KIF2A: variants seen among roughly 807,000 people sequenced by gnomAD.
KIF2A encodes the protein kinesin-like protein KIF2A.
In KIF2A, 22 loss-of-function variants were observed where a neutral mutation model predicts 100.2. The observed-to-expected ratio is 0.22, with a 90% confidence interval of 0.16 to 0.31. The LOEUF is 0.31. Among genes scored for constraint, KIF2A ranks in the 10% least tolerant of loss-of-function variants. KIF2A has a pLI of 1.00. For missense variants in KIF2A, 495 were observed against 898.7 expected, an observed-to-expected ratio of 0.55 and a Z score of 5.74; for synonymous variants, 268 against 285.9, an observed-to-expected ratio of 0.94 and a Z score of 0.63.
In KIF2A at chr5:62,347,048, A is replaced by G. The variant is rs114987867; in HGVS notation, c.65-82A>G. ...TAGTGTCATTTTTTTTTTAATTTCCAAGTTATAAAATTGTATTTCACAGTG... is the reference window on the plus strand; with the variant it reads ...TAGTGTCATTTTTTTTTTAATTTCCGAGTTATAAAATTGTATTTCACAGTG... On this transcript the variant is annotated intron_variant, in intron 1 of 20. Transcript: ENST00000407818. 2.6e-4 allele frequency: 193 copies of G among 732,578 alleles called. 1 individual carries two copies. In the African/African-American group the frequency reaches 3.1e-3, roughly 12 times the overall value. The allele number at this position is 732,578 out of a possible 1,614,324, so 45.4% of individuals were successfully genotyped here.
At chr5:62,381,621 G>A (rs991262568) in intron 20 of KIF2A, among the ~76,000 whole-genome samples, 1 of 152,194 alleles carries the variant, frequency 6.6e-6, no homozygotes, top group Non-Finnish European at 1.5e-5. Context: ...CTGGAGCACA[G>A]GGGCGTGATC....
chr5:62,362,231 A>C (rs1241333563), intron 11 of KIF2A: 5 of 173,228 alleles, frequency 2.9e-5, no homozygotes, highest in African/African-American at 1.2e-4. Context: ...ATAAATATTA[A>C]TATATATAAA....
At chr5:62,379,243 A>T (rs1353756640) in intron 19 of KIF2A, among the ~76,000 whole-genome samples, 2 of 152,178 alleles carry the variant, frequency 1.3e-5, no homozygotes, top group Non-Finnish European at 2.9e-5. Flanking sequence ...AGGTGTTCTG[A>T]CTTTCAACCC....
At chr5:62,319,290 C>T (rs1397188732) in intron 1 of KIF2A, among the ~76,000 whole-genome samples, 9 of 152,176 alleles carry the variant, frequency 5.9e-5, no homozygotes, top group African/African-American at 2.2e-4. Flanking sequence ...TGAAAGTGTT[C>T]TCTACTTCTG....
chr5:62,383,265 T>G (rs1197951509), intron 20 of KIF2A, among the ~76,000 whole-genome samples: 5 of 100,510 alleles, frequency 5.0e-5, no homozygotes, highest in Non-Finnish European at 9.4e-5. Context: ...TTTTTTGAGA[T>G]GGAGTCTCAC....
At chr5:62,347,449 TTAAGTC>T (rs1162286974) in intron 2 of KIF2A, among the ~76,000 whole-genome samples, 1 of 152,206 alleles carries the variant, frequency 6.6e-6, no homozygotes, top group Non-Finnish European at 1.5e-5. Context: ...ATACTATTCT[TTAAGTC>T]TAGCTCACAC....
At chr5:62,360,155 T>C (rs560986484) in intron 9 of KIF2A, among the ~76,000 whole-genome samples, 9 of 149,036 alleles carry the variant, frequency 6.0e-5, no homozygotes, top group Non-Finnish European at 1.3e-4. Flanking sequence ...CACGTTCAGC[T>C]AATTTTGTAT....
intron 1 of KIF2A, among the ~76,000 whole-genome samples, chr5:62,314,770 T>TTTG (rs1554038406): frequency 6.8e-5 from 10 of 147,956 alleles, no homozygotes; most frequent in East Asian, 4.0e-4. Context: ...TTTTTTTTTT[T>TTTG]TTTTTTTTTT....
At chr5:62,346,695 G>A (rs537932586) in intron 1 of KIF2A, among the ~76,000 whole-genome samples, 180 of 152,284 alleles carry the variant, frequency 1.2e-3, no homozygotes, top group Non-Finnish European at 1.6e-3. Flanking sequence ...AGCCAAGATC[G>A]CATCACTGCT....
chr5:62,357,380 G>A (rs1163692880), intron 7 of KIF2A, among the ~76,000 whole-genome samples: 2 of 152,086 alleles, frequency 1.3e-5, no homozygotes, highest in Non-Finnish European at 1.5e-5. Context: ...CATCATGCCC[G>A]GCCTCCTCAC....
chr5:62,315,122 G>C (rs547624248), intron 1 of KIF2A, among the ~76,000 whole-genome samples: 2 of 151,988 alleles, frequency 1.3e-5, no homozygotes, highest in South Asian at 4.2e-4. Context: ...TTCCACTATG[G>C]TGTCATGTTG....
chr5:62,356,741 G>A (rs1465928920), intron 7 of KIF2A, among the ~76,000 whole-genome samples: 2 of 149,852 alleles, frequency 1.3e-5, no homozygotes, highest in African/African-American at 2.5e-5. Flanking sequence ...GAATAGAAAT[G>A]TTGACTTTTG....
chr5:62,369,975 T>C (rs1371938454), intron 16 of KIF2A, among the ~76,000 whole-genome samples: 3 of 152,194 alleles, frequency 2.0e-5, no homozygotes, highest in African/African-American at 7.2e-5. Context: ...ATCTTTAGAA[T>C]AGACAGCTAA....
rs1332688645 is a variant in KIF2A at position 62,315,176 on chromosome 5, A to C, written c.64+8640A>C. The stretch of plus-strand genomic sequence containing the variant: ...ATTTTGGAGCATTTTGGATTAAAGA[A>C]TGCTCAGCCTGTGGTGGTTTATAAC... On this transcript the variant is annotated intron_variant, in intron 1 of 20. Transcript: ENST00000407818. Among the ~76,000 whole-genome samples the C allele has an allele frequency of 6.0e-5, 9 of 149,676 alleles. No individual in the cohort carries two copies. In the Admixed American group the frequency reaches 6.1e-4, roughly 10 times the overall value.
intron 1 of KIF2A, among the ~76,000 whole-genome samples, chr5:62,327,171 T>C (rs929075297): frequency 6.6e-6 from 1 of 152,220 alleles, no homozygotes; most frequent in Non-Finnish European, 1.5e-5. Flanking sequence ...CCCTGACCTC[T>C]ATACAGAATT....
Position 62,348,300 on chromosome 5 carries a change from T to C in KIF2A, c.279+133T>C, listed in dbSNP as rs1747679521. 10 of 790,604 alleles carry C rather than the reference T, an allele frequency of 1.3e-5. No individual in the cohort carries two copies. In the South Asian group the frequency reaches 1.9e-4, roughly 15 times the overall value. 49.0% of individuals were successfully genotyped at this position (790,604 alleles called of 1,614,324 possible). On this transcript the variant is annotated intron_variant, in intron 3 of 20. Transcript: ENST00000407818. ...TTAATTTGCTTTTTCTGCCATCATA[T>C]TCATATATATACATACATATTTTCA... is the stretch of plus-strand genomic sequence containing the variant.
chr5:62,364,490 A>G (rs375537355), intron 14 of KIF2A, among the ~76,000 whole-genome samples: 6 of 152,152 alleles, frequency 3.9e-5, no homozygotes, highest in East Asian at 1.9e-4. Flanking sequence ...AGGGCAACGA[A>G]CCACTGAATT....
intron 1 of KIF2A, among the ~76,000 whole-genome samples, chr5:62,342,841 C>T (rs894159948): frequency 1.3e-4 from 19 of 151,830 alleles, no homozygotes; most frequent in African/African-American, 4.4e-4. Context: ...CAACCTCCAC[C>T]TCCTGGGTTT....
At chr5:62,379,700 CTAAT>C (rs1741696183) in intron 19 of KIF2A, among the ~76,000 whole-genome samples, 1 of 150,250 alleles carries the variant, frequency 6.7e-6, no homozygotes, top group African/African-American at 2.4e-5. Flanking sequence ...TTTGCATTTT[CTAAT>C]TAATATGTTT....
Sources: allele counts gnomAD v4.1 joint callset (sites outside exome capture counted in the v4.1 genomes callset), GRCh38; gene constraint gnomAD v4.1.1; transcripts MANE v1.5; gene names NCBI Gene and HGNC (gene_info 2026-07-23, HGNC 2026-07-21).